Variants in SOX5 observed in about 807,000 individuals in gnomAD.
SOX5 encodes the protein SRY-box transcription factor 5, also known as transcription factor SOX-5.
SOX5 carries 9 observed loss-of-function variants against 92.0 expected under a neutral mutation model. That is an observed-to-expected ratio of 0.10 (90% CI 0.06 to 0.17). SOX5 has a LOEUF of 0.17. SOX5 is among the 10% of genes least tolerant of loss of function. The pLI, the probability that SOX5 is intolerant of heterozygous loss-of-function variation, is 1.00. For missense variants in SOX5, 642 were observed against 944.5 expected, an observed-to-expected ratio of 0.68 and a Z score of 4.20; for synonymous variants, 344 against 336.3, an observed-to-expected ratio of 1.02 and a Z score of -0.25.
intron 1 of SOX5, among the ~76,000 whole-genome samples, chr12:24,470,044 T>C (rs909461181): frequency 6.6e-6 from 1 of 152,204 alleles, no homozygotes; most frequent in African/African-American, 2.4e-5. Flanking sequence ...ATTAAGCTAG[T>C]GCATGCTAAT....
chr12:23,761,024 T>G (rs1292365988), intron 3 of SOX5, among the ~76,000 whole-genome samples: 1 of 152,132 alleles, frequency 6.6e-6, no homozygotes, highest in South Asian at 2.1e-4. Flanking sequence ...GATACTTTAA[T>G]TTTGCAGCTT....
At chr12:24,223,859 T>C (rs969744271) in intron 3 of SOX5, among the ~76,000 whole-genome samples, 2 of 152,202 alleles carry the variant, frequency 1.3e-5, no homozygotes, top group African/African-American at 4.8e-5. Flanking sequence ...TCATCACGTT[T>C]CAGACTGACT....
At chr12:24,407,308 A>G (rs1448106027) in intron 1 of SOX5, among the ~76,000 whole-genome samples, 1 of 152,190 alleles carries the variant, frequency 6.6e-6, no homozygotes, top group Non-Finnish European at 1.5e-5. Flanking sequence ...ATGACAGCCA[A>G]AGAACTGGGA....
intron 3 of SOX5, among the ~76,000 whole-genome samples, chr12:24,261,661 C>T (rs1283811175): frequency 1.3e-5 from 2 of 152,232 alleles, no homozygotes; most frequent in Non-Finnish European, 2.9e-5. Flanking sequence ...CTGAAATTGA[C>T]AGACTTATGT....
intron 4 of SOX5, among the ~76,000 whole-genome samples, chr12:24,115,398 T>A (rs1364079389): frequency 1.3e-5 from 2 of 152,188 alleles, no homozygotes; most frequent in African/African-American, 4.8e-5. Context: ...TTTTGACACA[T>A]AAAATCTCCG....
At chr12:23,582,495 A>G (rs1367149379) in intron 9 of SOX5, among the ~76,000 whole-genome samples, 3 of 152,174 alleles carry the variant, frequency 2.0e-5, no homozygotes, top group Non-Finnish European at 4.4e-5. Flanking sequence ...CCAACTCCTT[A>G]TTAGTAGGTT....
At chr12:24,501,243 G>A (rs1046622148) in intron 1 of SOX5, among the ~76,000 whole-genome samples, 11 of 152,062 alleles carry the variant, frequency 7.2e-5, no homozygotes, top group African/African-American at 2.7e-4. Context: ...AGCAGTTTTA[G>A]CACCAAGGTT....
chr12:23,558,752 G>A (rs1025917950), intron 11 of SOX5, among the ~76,000 whole-genome samples: 6 of 152,104 alleles, frequency 3.9e-5, no homozygotes, highest in East Asian at 1.9e-4. Context: ...ACAGGCTTGC[G>A]CCACCACACC....
chr12:24,311,330 A>T (rs1419292012), intron 2 of SOX5, among the ~76,000 whole-genome samples: 1 of 152,138 alleles, frequency 6.6e-6, no homozygotes, highest in Admixed American at 6.5e-5. Flanking sequence ...TTGAGCCATC[A>T]TTTCTGAAGG....
intron 9 of SOX5, among the ~76,000 whole-genome samples, chr12:23,594,004 A>T (rs1359123517): frequency 1.3e-5 from 2 of 152,206 alleles, no homozygotes; most frequent in Non-Finnish European, 2.9e-5. Flanking sequence ...CAAAACTCTT[A>T]TGAGCACTAG....
intron 4 of SOX5, 23 bp from the exon 5 acceptor site, chr12:23,741,062 A>G: frequency 6.5e-7 from 1 of 1,531,760 alleles, no homozygotes; most frequent in Non-Finnish European, 8.8e-7. Context: ...TAGCAATAAA[A>G]CAGACAAAAT....
chr12:24,447,623 A>C (rs915220123), intron 1 of SOX5, among the ~76,000 whole-genome samples: 3 of 152,204 alleles, frequency 2.0e-5, no homozygotes, highest in Non-Finnish European at 4.4e-5. Context: ...AAACTATAAC[A>C]ACATAATATG....
At chr12:24,343,461 T>G (rs1952812730) in intron 2 of SOX5, among the ~76,000 whole-genome samples, 1 of 150,474 alleles carries the variant, frequency 6.6e-6, no homozygotes, top group Non-Finnish European at 1.5e-5. Flanking sequence ...AATAGGTATA[T>G]ATTATATATA....
intron 6 of SOX5, among the ~76,000 whole-genome samples, chr12:23,677,613 A>G (rs1387671377): frequency 6.6e-6 from 1 of 152,192 alleles, no homozygotes; most frequent in East Asian, 1.9e-4. Context: ...ATTCAAATCA[A>G]TAGCTGCATC....
chr12:23,963,765 T>TAAA (rs60053598), intron 4 of SOX5, among the ~76,000 whole-genome samples: 83,349 of 125,722 alleles, frequency 0.66, 28,320 homozygotes, highest in East Asian at 0.73. Flanking sequence ...ATGAATGAAG[T>TAAA]AAAAAAAAAA....
intron 2 of SOX5, among the ~76,000 whole-genome samples, chr12:24,302,325 T>A (rs1205788007): frequency 6.6e-6 from 1 of 152,244 alleles, no homozygotes; most frequent in Non-Finnish European, 1.5e-5. Context: ...AACATTGTTA[T>A]AGGTCTATTC....
intron 11 of SOX5, among the ~76,000 whole-genome samples, chr12:23,554,032 A>C (rs1471149242): frequency 1.3e-5 from 2 of 151,994 alleles, no homozygotes; most frequent in Non-Finnish European, 2.9e-5. Context: ...AAACAGGCAC[A>C]TCAGGGTTAT....
intron 3 of SOX5, among the ~76,000 whole-genome samples, chr12:24,269,809 G>A (rs1229731464): frequency 2.1e-5 from 3 of 142,222 alleles, no homozygotes; most frequent in Non-Finnish European, 4.5e-5. Context: ...TTCCTGAGTA[G>A]CTGGGAATAC....
At chr12:24,381,325 T>C (rs554866055) in intron 1 of SOX5, among the ~76,000 whole-genome samples, 1 of 152,264 alleles carries the variant, frequency 6.6e-6, no homozygotes, top group African/African-American at 2.4e-5. Context: ...GATTTTAGAA[T>C]GTTTCTTTCA....
Sources: gnomAD v4.1 joint callset for allele counts (sites outside exome capture counted in the v4.1 genomes callset) on GRCh38, gnomAD v4.1.1 for gene constraint, MANE v1.5 for transcripts, NCBI Gene and HGNC (gene_info 2026-07-23, HGNC 2026-07-21) for gene names.